The following RTN4 variants were observed in gnomAD, a reference collection of about 807,000 sequenced individuals.
RTN4 encodes reticulon 4, also known as reticulon-4.
RTN4 carries 32 observed loss-of-function variants against 90.4 expected under a neutral mutation model. The ratio of observed to expected loss-of-function variants is 0.35; its 90% CI spans 0.27 to 0.48. RTN4 has a LOEUF of 0.48. Among genes scored for constraint, RTN4 ranks in the 20% least tolerant of loss-of-function variants. RTN4 has a pLI of 0.99. For synonymous variants in RTN4, 629 were observed against 552.5 expected (o/e 1.14, Z -1.94); for missense variants, 1,706 against 1,430.2 (o/e 1.19, Z -3.11).
At chr2:55,087,923 A>G (rs1573509597) in intron 1 of RTN4, among the ~76,000 whole-genome samples, 1 of 152,152 alleles carries the variant, frequency 6.6e-6, no homozygotes, top group South Asian at 2.1e-4. Flanking sequence ...TTTTCCAAAA[A>G]CTTTATAAAT....
rs557967060 is a variant in RTN4 at position 55,059,969 on chromosome 2, T to G, written c.-63+20520A>C. 1.6e-3 allele frequency among the ~76,000 whole-genome samples: 245 copies of G among 152,166 alleles called. 1 individual carries two copies. The highest frequency in any genetic ancestry group is 5.7e-3 in the African/African-American group (235 of 41,534). On this transcript the variant is annotated intron_variant, in intron 2 of 3. Coordinates refer to the RTN4 transcript ENST00000427710. Reference sequence around the variant, plus strand: ...CTGGGATTACAGGGGTGAGCCACCCTGCCCCCAGCCATAATACGTTTTGAT... The same window carrying G: ...CTGGGATTACAGGGGTGAGCCACCCGGCCCCCAGCCATAATACGTTTTGAT...
rs762932019 is a variant in RTN4 at position 54,987,576 on chromosome 2, C to A, written c.3136G>T (p.Ala1046Ser). Residue 1046 changes from alanine (A) to serine (S), a missense_variant, in exon 4 of 9, where the codon GCC (alanine) becomes TCC (serine). By Grantham distance (99) the Ala-to-Ser change is moderately conservative. Coordinates refer to ENST00000337526, the MANE Select transcript of RTN4 (RefSeq NM_020532.5). ...AAGCTGATGGTCACAGAGAGCAGGG[C>A]CAAGGCAATGTAGGCTGTTACGCTC... is the stretch of plus-strand genomic sequence containing the variant. ...IVSVTAYIALALLSVTISFRI... is the reference protein window; with the variant it reads ...IVSVTAYIALSLLSVTISFRI... The A allele has an allele frequency of 6.8e-6, 11 of 1,614,140 alleles. No homozygotes were observed. The highest frequency in any genetic ancestry group is 9.3e-6 in the Non-Finnish European group (11 of 1,180,016).
chr2:54,973,674 C>T (rs543548881), intron 7 of RTN4, 53 bp from the exon 8 acceptor site: 32 of 1,517,540 alleles, frequency 2.1e-5, no homozygotes, highest in African/African-American at 1.9e-4. Flanking sequence ...TCTTATTAAC[C>T]ACTACTATGT....
intron 1 of RTN4, among the ~76,000 whole-genome samples, chr2:55,098,501 T>C (rs190343717): frequency 6.6e-6 from 1 of 152,226 alleles, no homozygotes; most frequent in Admixed American, 6.5e-5. Context: ...CCAACTCCAT[T>C]GCATATTATT....
intron 2 of RTN4, among the ~76,000 whole-genome samples, chr2:55,063,841 C>T (rs949004515): frequency 1.3e-5 from 2 of 151,348 alleles, no homozygotes; most frequent in Admixed American, 1.3e-4. Context: ...AGACTGGGCA[C>T]TGTACTCCAG....
At chr2:55,030,341 C>T (rs1682211626) in intron 1 of RTN4, among the ~76,000 whole-genome samples, 1 of 152,050 alleles carries the variant, frequency 6.6e-6, no homozygotes, top group Admixed American at 6.6e-5. Context: ...AAAGAAAAAT[C>T]TTCATTTTGT....
intron 1 of RTN4, among the ~76,000 whole-genome samples, chr2:55,033,728 AATAAG>A (rs1346674255): frequency 1.3e-5 from 2 of 152,218 alleles, no homozygotes; most frequent in African/African-American, 4.8e-5. Flanking sequence ...ATACATATTA[AATAAG>A]ATGTCTTTAT....
chr2:55,003,492 A>G (rs1679988938), intron 3 of RTN4, among the ~76,000 whole-genome samples: 1 of 152,206 alleles, frequency 6.6e-6, no homozygotes, highest in South Asian at 2.1e-4. Context: ...ACACTCAGTA[A>G]TATGTCAGCC....
intron 1 of RTN4, among the ~76,000 whole-genome samples, chr2:55,033,216 C>A (rs1304727083): frequency 6.6e-6 from 1 of 151,956 alleles, no homozygotes; most frequent in Non-Finnish European, 1.5e-5. Flanking sequence ...ATAGAGACAA[C>A]CCTAAAAACA....
chr2:55,003,411 G>A (rs1479761130), intron 3 of RTN4, among the ~76,000 whole-genome samples: 1 of 151,958 alleles, frequency 6.6e-6, no homozygotes, highest in Non-Finnish European at 1.5e-5. Flanking sequence ...TCTATAATAC[G>A]TCCAATGCCT....
chr2:55,005,914 C>T (rs1680186566), intron 3 of RTN4, among the ~76,000 whole-genome samples: 1 of 152,082 alleles, frequency 6.6e-6, no homozygotes, highest in Non-Finnish European at 1.5e-5. Flanking sequence ...GGTATCACAT[C>T]AGCGCTCAAA....
intron 2 of RTN4, among the ~76,000 whole-genome samples, chr2:55,068,556 C>CA (rs762684700): frequency 1.3e-5 from 2 of 151,568 alleles, no homozygotes; most frequent in Non-Finnish European, 2.9e-5. Context: ...TTTCTTTCCT[C>CA]AAAATGACAG....
chr2:55,078,528 C>A (rs1203114935), intron 2 of RTN4, among the ~76,000 whole-genome samples: 1 of 152,178 alleles, frequency 6.6e-6, no homozygotes, highest in East Asian at 1.9e-4. Flanking sequence ...TGGCTAAATA[C>A]TTTTTTACCT....
Position 55,026,960 on chromosome 2 carries a change from A to T in RTN4, c.1139T>A (p.Met380Lys), listed in dbSNP as rs146974947. ...NEKRVAVEAP[M>K]REEYADFKPF... ...TTTGAAGTCTGCATATTCCTCCCTC[A>T]TAGGAGCTTCCACTGCAACTCTCTT... The change falls in exon 3 of 9, where the codon ATG becomes AAG. Residue 380 changes from methionine (M) to lysine (K), a missense_variant. Transcript: ENST00000337526. 1.2e-5 allele frequency: 20 copies of T among 1,613,296 alleles called. No individual in the cohort carries two copies. The highest frequency in any genetic ancestry group is 1.7e-5 in the Non-Finnish European group (20 of 1,179,880).
At chr2:54,974,059 C>G in intron 6 of RTN4, 192 bp from the exon 7 acceptor site, 1 of 532,316 alleles carries the variant, frequency 1.9e-6, no homozygotes, top group Non-Finnish European at 3.3e-6. Context: ...CTGTGTGAGG[C>G]TGCAGTTATT....
chr2:55,101,528 T>TTA (rs1667852542), intron 1 of RTN4, among the ~76,000 whole-genome samples: 2 of 152,104 alleles, frequency 1.3e-5, no homozygotes, highest in Admixed American at 6.5e-5. Flanking sequence ...GTGTATATTT[T>TTA]TATATATATG....
At chr2:55,017,587 G>C (rs981306805) in intron 3 of RTN4, among the ~76,000 whole-genome samples, 1 of 152,132 alleles carries the variant, frequency 6.6e-6, no homozygotes, top group Non-Finnish European at 1.5e-5. Context: ...TATTCTCTGT[G>C]CATTAGTGAC....
chr2:54,983,195 C>A (rs1317125880), intron 4 of RTN4, among the ~76,000 whole-genome samples: 8 of 151,652 alleles, frequency 5.3e-5, no homozygotes, highest in Non-Finnish European at 7.4e-5. Flanking sequence ...ATGTCAAGCA[C>A]CAGATTGTAA....
intron 1 of RTN4, among the ~76,000 whole-genome samples, chr2:55,111,844 T>G (rs540789119): frequency 6.6e-6 from 1 of 152,338 alleles, no homozygotes; most frequent in East Asian, 1.9e-4. Flanking sequence ...TCTATCCATC[T>G]TCCCGAATGC....
Sources: allele counts gnomAD v4.1 joint callset (sites outside exome capture counted in the v4.1 genomes callset), GRCh38; gene constraint gnomAD v4.1.1; transcripts MANE v1.5; gene names NCBI Gene and HGNC (gene_info 2026-07-23, HGNC 2026-07-21).